Variants in NAV1 observed in about 807,000 individuals in gnomAD.
NAV1 encodes neuron navigator 1, also known as pore membrane and/or filament interacting like protein 3.
A neutral mutation model predicts 175.2 loss-of-function variants in NAV1; 18 were observed. The observed-to-expected ratio is 0.10, with a 90% CI of 0.07 to 0.15. The LOEUF (loss-of-function observed/expected upper bound fraction) is 0.15. Among genes scored for constraint, NAV1 ranks in the 10% least tolerant of loss-of-function variants. The probability of loss-of-function intolerance (pLI) is 1.00; values close to 1 mark genes in which losing one functional copy is unlikely to be tolerated. For missense variants in NAV1, 1,731 were observed against 2,436.6 expected (o/e 0.71, Z 6.10); for synonymous variants, 897 against 978.7 (o/e 0.92, Z 1.56).
chr1:201,648,850 C>A (rs1296617458), exon 1 of NAV1: 1 of 1,610,818 alleles, frequency 6.2e-7, no homozygotes, highest in Admixed American at 1.7e-5. Flanking sequence ...AAGGCCAGCG[C>A]GGCTGAGCTG....
At chr1:201,583,538 G>A (rs1666930626) in intron 1 of NAV1, among the ~76,000 whole-genome samples, 1 of 152,226 alleles carries the variant, frequency 6.6e-6, no homozygotes, top group African/African-American at 2.4e-5. Context: ...GGAGGCAGCT[G>A]AAGCTGGTAG....
chr1:201,589,317 A>G lies in NAV1; in HGVS notation c.-33+668A>G, dbSNP rs79926035. On this transcript the variant is annotated intron_variant, in intron 2 of 33. Transcript: ENST00000685211. ...AAATAGAGAACGGTTGAAAATTCCC[A>G]TGTTACAGATAGGGAAAGGAGAAGC... is the stretch of plus-strand genomic sequence containing the variant. Among the ~76,000 whole-genome samples the G allele has an allele frequency of 5.4e-3, 815 of 152,296 alleles. 14 individuals are homozygous for G. The highest frequency in any genetic ancestry group is 0.019 in the African/African-American group (779 of 41,554).
intron 1 of NAV1, among the ~76,000 whole-genome samples, chr1:201,552,481 T>C (rs12031389): frequency 0.54 from 82,293 of 151,878 alleles, 22,348 homozygotes; most frequent in East Asian, 0.64. Flanking sequence ...TTTGCTTCCT[T>C]GACCTCTCCC....
Position 201,735,494 on chromosome 1 carries a change from A to G in NAV1, c.1226+16739A>G, listed in dbSNP as rs139246970. ...GCCATGCTGGTCTAGGAAAGGAGAG[A>G]AGCGCCCCACATTCATGCATGAGGA... On this transcript the variant is annotated intron_variant, in intron 3 of 29. Transcript: ENST00000367296. Among the ~76,000 whole-genome samples, 1,295 of 152,298 alleles carry G rather than the reference A, an allele frequency of 8.5e-3. 14 individuals carry two copies. The highest frequency in any genetic ancestry group is 0.013 in the Non-Finnish European group (860 of 68,024).
chr1:201,612,828 TGTGA>T (rs893749264), intron 2 of NAV1, among the ~76,000 whole-genome samples: 136 of 151,768 alleles, frequency 9.0e-4, no homozygotes, highest in African/African-American at 3.1e-3. Flanking sequence ...TGTGGGAGGG[TGTGA>T]GTGAGTGTGT....
At chr1:201,680,380 C>T (rs1233917517) in intron 1 of NAV1, among the ~76,000 whole-genome samples, 1 of 152,006 alleles carries the variant, frequency 6.6e-6, no homozygotes, top group Non-Finnish European at 1.5e-5. Flanking sequence ...GTGACACATG[C>T]CTGTAATCCC....
At chr1:201,591,886 C>T (rs779175541) in intron 2 of NAV1, among the ~76,000 whole-genome samples, 2 of 152,192 alleles carry the variant, frequency 1.3e-5, no homozygotes, top group Non-Finnish European at 2.9e-5. Flanking sequence ...CCACCAAACC[C>T]GGAGCTCTTG....
At position 201,648,435 on chromosome 1, in the gene NAV1, T is replaced by G. The variant is rs559892369; in HGVS notation, c.-234T>G. 204 of 1,134,574 alleles carry G rather than the reference T, an allele frequency of 1.8e-4. No individual in the cohort carries two copies. In the African/African-American group the frequency reaches 3.4e-3, roughly 19 times the overall value. The allele number at this position is 1,134,574 out of a possible 1,614,324, so 70.3% of individuals were successfully genotyped here. The stretch of plus-strand genomic sequence containing the variant: ...CCGCCCTATCGCTCCCCGGCTTCCC[T>G]GCTCTTTCCTTTTTCCCGGCTTCCT... On this transcript the variant is annotated 5_prime_UTR_variant, in exon 1 of 30. Coordinates refer to ENST00000367296, the Ensembl canonical transcript of NAV1.
intron 1 of NAV1, among the ~76,000 whole-genome samples, chr1:201,676,258 C>G (rs1220121071): frequency 6.6e-6 from 1 of 152,214 alleles, no homozygotes; most frequent in Non-Finnish European, 1.5e-5. Context: ...GCCACTCCCT[C>G]TGCTTTTAAG....
intron 1 of NAV1, among the ~76,000 whole-genome samples, chr1:201,664,116 G>A (rs933943477): frequency 3.0e-4 from 45 of 152,240 alleles, no homozygotes; most frequent in African/African-American, 9.4e-4. Flanking sequence ...AGAGAGACCC[G>A]AATTCAAATC....
intron 1 of NAV1, among the ~76,000 whole-genome samples, chr1:201,652,356 C>G (rs767970946): frequency 1.4e-4 from 22 of 152,120 alleles, no homozygotes; most frequent in Non-Finnish European, 2.8e-4. Flanking sequence ...GCTGGGGTCC[C>G]AGATGGTCTA....
Position 201,740,067 on chromosome 1 carries a change from T to TC in NAV1, c.1226+21317dup. 6.7e-7 allele frequency: 1 copy of TC among 1,492,814 alleles called. No individual in the cohort carries two copies. The allele number at this position is 1,492,814 out of a possible 1,614,324, so 92.5% of individuals were successfully genotyped here. A position where few individuals can be genotyped will look rare whatever the true frequency, so the allele number is the denominator to read the frequency against. On this transcript the variant is annotated intron_variant, in intron 3 of 29. Transcript: ENST00000367296. This position sits in a 1 kb window ranked among gnomAD's most constrained non-coding sequence, Gnocchi z 4.7. ...CCCAGATCCGGAAGAACGGTGAATT[T>TC]CCCCCGCAGGTAAGCGCCCCCACCC...
exon 30 of NAV1, chr1:201,823,220 GA>G (rs1285817857): frequency 6.6e-6 from 1 of 152,662 alleles, no homozygotes; most frequent in Non-Finnish European, 1.5e-5. Flanking sequence ...ACAACTCCAG[GA>G]GAGGTTCCTG....
rs1486047349 is a variant in NAV1 at position 201,807,767 on chromosome 1, G to A, written c.3649-186G>A. Among the ~76,000 whole-genome samples, 5 of 152,026 alleles carry A rather than the reference G, an allele frequency of 3.3e-5. No individual in the cohort carries two copies. Among genetic ancestry groups the A allele is most frequent in the Non-Finnish European group, 5.9e-5 (4 of 68,004 alleles). On this transcript the variant is annotated intron_variant, in intron 17 of 29. Transcript: ENST00000367296. The surrounding 1 kb of genome is among the most constrained non-coding windows in gnomAD (Gnocchi z 5.4). ...AGCTCACTGCAACCTCTGCCTCCAC[G>A]GTCCTAATTTCTAGGCAACTCTTCT...
At chr1:201,579,825 A>T (rs762891738) in intron 1 of NAV1, among the ~76,000 whole-genome samples, 19 of 152,306 alleles carry the variant, frequency 1.2e-4, no homozygotes, top group East Asian at 1.9e-4. Context: ...GATACACGAG[A>T]GGGGATTTAC....
rs775387912 is a variant in NAV1 at position 201,786,502 on chromosome 1, G to A, written c.2920G>A (p.Asp974Asn). ...TACCATTGGTGGGCTGCCTGAATCCGATGACCAGTCAGAGCTGCCTTCTCC... is the reference window on the plus strand; with the variant it reads ...TACCATTGGTGGGCTGCCTGAATCCAATGACCAGTCAGAGCTGCCTTCTCC... The change falls in exon 9 of 30, where the codon GAT becomes AAT. Residue 974 changes from aspartate to asparagine, a missense_variant. Asp to Asn is a conservative substitution (Grantham distance 23). Around this residue, in one of 13 missense-constraint regions of NAV1, gnomAD observed 634 missense variants for 766.8 expected, o/e 0.83. Transcript: ENST00000367296. 4.6e-5 allele frequency: 75 copies of A among 1,613,858 alleles called. No individual in the cohort carries two copies. The highest frequency in any genetic ancestry group is 1.8e-4 in the East Asian group (8 of 44,876).
Position 201,782,234 on chromosome 1 carries a change from C to T in NAV1, c.1722C>T (p.Leu574=). The T allele has an allele frequency of 6.2e-7, 1 of 1,613,808 alleles. No homozygotes were observed. Among genetic ancestry groups the T allele is most frequent in the Middle Eastern group, 1.7e-4 (1 of 6,060 alleles). ...AGCTTGCAGTGAAGAATACTGGGCT[C>T]CAACGCTCCTCCTCTGATGCTGGTC... is the stretch of plus-strand genomic sequence containing the variant. Residue 574 remains leucine, a synonymous_variant, in exon 6 of 30, where the codon CTC becomes CTT. Transcript: ENST00000367296. The surrounding 1 kb of genome is among the most constrained non-coding windows in gnomAD (Gnocchi z 5.4).
intron 28 of NAV1, among the ~76,000 whole-genome samples, chr1:201,814,864 C>T (rs987883508): frequency 1.3e-5 from 2 of 151,284 alleles, no homozygotes; most frequent in East Asian, 1.9e-4. Context: ...ACAGTGAAAC[C>T]CCGTCTCTAC....
chr1:201,788,320 G>A lies in NAV1; in HGVS notation c.2996-148G>A, dbSNP rs566574288. The A allele has an allele frequency of 1.7e-5, 13 of 766,870 alleles. No individual in the cohort carries two copies. In the Admixed American group the frequency reaches 2.0e-4, roughly 12 times the overall value. 47.5% of individuals were successfully genotyped at this position (766,870 alleles called of 1,614,324 possible). ...CAGCTGCTTGCACACTCCCACCACC[G>A]CACCTGCCCCTTCCTCTCCTGCCCT... On this transcript the variant is annotated intron_variant, in intron 9 of 29. Coordinates refer to ENST00000367296, the Ensembl canonical transcript of NAV1. This position sits in a 1 kb window ranked among gnomAD's most constrained non-coding sequence, Gnocchi z 5.7.
Sources: gnomAD v4.1 joint callset for allele counts (sites outside exome capture counted in the v4.1 genomes callset) on GRCh38, gnomAD v4.1.1 for gene constraint, gnomAD v4.1.1 regional missense constraint, Gnocchi (gnomAD v3.1) non-coding constraint, MANE v1.5 for transcripts, NCBI Gene and HGNC (gene_info 2026-07-23, HGNC 2026-07-21) for gene names.